Variants in SOX5 observed in about 807,000 individuals in gnomAD.
SOX5 encodes the protein SRY-box transcription factor 5, also known as transcription factor SOX-5.
SOX5 carries 9 observed loss-of-function variants against 92.0 expected under a neutral mutation model. That is an observed-to-expected ratio of 0.10 (90% CI 0.06 to 0.17). SOX5 has a LOEUF of 0.17. Among genes scored for constraint, SOX5 ranks in the 10% least tolerant of loss-of-function variants. SOX5 has a pLI of 1.00. For synonymous variants in SOX5, 344 were observed against 336.3 expected (o/e 1.02, Z -0.25); for missense variants, 642 against 944.5 (o/e 0.68, Z 4.20).
At chr12:23,784,762 C>CTCT (rs1304695432) in intron 3 of SOX5, among the ~76,000 whole-genome samples, 1 of 152,216 alleles carries the variant, frequency 6.6e-6, no homozygotes, top group Non-Finnish European at 1.5e-5. Flanking sequence ...AGCATTGCAA[C>CTCT]TCTTTCTTCA....
chr12:24,026,660 A>G (rs967699848), intron 4 of SOX5, among the ~76,000 whole-genome samples: 3 of 143,596 alleles, frequency 2.1e-5, no homozygotes, highest in African/African-American at 5.5e-5. Flanking sequence ...GACCCTGTCT[A>G]TTAGATAAAA....
At chr12:24,063,812 C>A (rs1197707654) in intron 4 of SOX5, among the ~76,000 whole-genome samples, 2 of 152,182 alleles carry the variant, frequency 1.3e-5, no homozygotes, top group Admixed American at 6.5e-5. Context: ...CACATACTTG[C>A]TCTGTACGTT....
At chr12:24,374,943 G>A (rs1270283105) in intron 1 of SOX5, among the ~76,000 whole-genome samples, 2 of 152,122 alleles carry the variant, frequency 1.3e-5, no homozygotes, top group African/African-American at 4.8e-5. Flanking sequence ...TGGGTGCAGG[G>A]TTGGCACCTG....
rs577762994 is a variant in SOX5 at position 24,021,177 on chromosome 12, ACAGTC to A, written c.-1-125158_-1-125154del. On this transcript the variant is annotated intron_variant, in intron 4 of 4. Transcript: ENST00000446891. Reference sequence around the variant, plus strand: ...AACACAAAGGAAGTGCATGGAAGGTACAGTCCAGGAGATTTCAGAAGGTATCAGAA... The same window carrying A: ...AACACAAAGGAAGTGCATGGAAGGTACAGGAGATTTCAGAAGGTATCAGAA... Among the ~76,000 whole-genome samples the A allele has an allele frequency of 5.5e-3, 839 of 152,300 alleles. 6 individuals are homozygous for A. The highest frequency in any genetic ancestry group is 7.4e-3 in the Non-Finnish European group (506 of 68,014).
chr12:23,992,550 C>T (rs915344216), intron 4 of SOX5, among the ~76,000 whole-genome samples: 6 of 152,148 alleles, frequency 3.9e-5, no homozygotes, highest in Non-Finnish European at 8.8e-5. Context: ...AATGCATCAT[C>T]TACTTTTCAG....
chr12:24,065,767 C>A (rs1275436421), intron 4 of SOX5, among the ~76,000 whole-genome samples: 2 of 151,996 alleles, frequency 1.3e-5, no homozygotes, highest in Non-Finnish European at 1.5e-5. Flanking sequence ...CAATGTCAAC[C>A]AGGAACTTCT....
At chr12:23,940,756 A>ACACACG (rs1217861071) in intron 1 of SOX5, among the ~76,000 whole-genome samples, 1 of 150,082 alleles carries the variant, frequency 6.7e-6, no homozygotes, top group Non-Finnish European at 1.5e-5. Context: ...ACACACACAC[A>ACACACG]CACACACACA....
intron 4 of SOX5, among the ~76,000 whole-genome samples, chr12:24,018,668 G>A (rs145902451): frequency 1.1e-3 from 161 of 152,180 alleles, no homozygotes; most frequent in African/African-American, 3.8e-3. Context: ...ATGGTGGCAT[G>A]TGCCAATAAT....
chr12:23,691,302 C>G (rs2088756098), intron 6 of SOX5, among the ~76,000 whole-genome samples: 1 of 152,216 alleles, frequency 6.6e-6, no homozygotes, highest in East Asian at 1.9e-4. Flanking sequence ...TAGATTATCA[C>G]AATTCTAGCC....
At chr12:24,539,773 T>C (rs1054881682) in intron 1 of SOX5, among the ~76,000 whole-genome samples, 2 of 152,122 alleles carry the variant, frequency 1.3e-5, no homozygotes, top group Non-Finnish European at 2.9e-5. Flanking sequence ...TCTGGATACG[T>C]ATATTAATTT....
intron 4 of SOX5, among the ~76,000 whole-genome samples, chr12:24,133,756 C>T (rs576547923): frequency 6.6e-6 from 1 of 152,266 alleles, no homozygotes; most frequent in East Asian, 1.9e-4. Context: ...CAGCTCCTGG[C>T]CCTCTCGGGT....
rs74070039 is a variant in SOX5, at chr12:24,399,259, G to A, written c.-250-30620C>T. Among the ~76,000 whole-genome samples the A allele has an allele frequency of 9.5e-3, 1,453 of 152,192 alleles. 19 individuals carry two copies. The highest frequency in any genetic ancestry group is 0.033 in the African/African-American group (1,359 of 41,532). ...GCCTACAGCGTCTCCCCATACCTGG[G>A]AAAGGACCCATAGGAGTGAAGGACC... On this transcript the variant is annotated intron_variant, in intron 1 of 4. Transcript: ENST00000446891.
Position 24,212,348 on chromosome 12 carries a change from T to C in SOX5, c.-2+995A>G, listed in dbSNP as rs530353458. ...TTCCTTTAGGAGTAAGTCATTTTAA[T>C]TGAAGAGATCTGATCACACTGAAGG... is the stretch of plus-strand genomic sequence containing the variant. On this transcript the variant is annotated intron_variant, in intron 4 of 4. Coordinates refer to the SOX5 transcript ENST00000446891. 17 of 512,942 alleles carry C rather than the reference T, an allele frequency of 3.3e-5. 1 individual carries two copies. Among genetic ancestry groups the C allele is most frequent in the South Asian group, 2.1e-4 (14 of 66,264 alleles). The allele number at this position is 512,942 out of a possible 1,614,324, so 31.8% of individuals were successfully genotyped here. A position where few individuals can be genotyped will look rare whatever the true frequency, so the allele number is the denominator to read the frequency against.
chr12:23,853,330 TTAA>T lies in SOX5; in HGVS notation c.271-7140_271-7138del, dbSNP rs1309153920. On this transcript the variant is annotated intron_variant, in intron 2 of 14. Coordinates refer to ENST00000451604, the MANE Select transcript of SOX5 (RefSeq NM_006940.6). ...TGCACCAACATTTAGTTTAAATTTA[TTAA>T]TAATTAGATCTCATTTACAATATGA... Among the ~76,000 whole-genome samples the T allele has an allele frequency of 3.3e-5, 5 of 151,644 alleles. No individual in the cohort carries two copies. In the East Asian group the frequency reaches 9.6e-4, roughly 29 times the overall value.
At chr12:23,790,839 T>C (rs1295295844) in intron 3 of SOX5, among the ~76,000 whole-genome samples, 2 of 152,146 alleles carry the variant, frequency 1.3e-5, no homozygotes, top group African/African-American at 2.4e-5. Flanking sequence ...AGGCTTTTTC[T>C]ATGCATGCAA....
intron 3 of SOX5, among the ~76,000 whole-genome samples, chr12:24,276,355 T>TTG (rs1944432385): frequency 1.3e-5 from 2 of 152,154 alleles, no homozygotes; most frequent in Non-Finnish European, 2.9e-5. Context: ...ACACATACAC[T>TTG]TGCATCTTGA....
At chr12:24,477,819 TTAGA>T (rs1473154486) in intron 1 of SOX5, among the ~76,000 whole-genome samples, 3 of 152,032 alleles carry the variant, frequency 2.0e-5, no homozygotes, top group South Asian at 2.1e-4. Context: ...TTACCTATAG[TTAGA>T]TAGAAGTATT....
chr12:23,620,834 C>G (rs1437410448), intron 8 of SOX5, among the ~76,000 whole-genome samples: 1 of 152,082 alleles, frequency 6.6e-6, no homozygotes, highest in Admixed American at 6.6e-5. Context: ...CTTCTGCTCT[C>G]CTGCCTTAAA....
intron 7 of SOX5, 69 bp from the exon 8 acceptor site, chr12:23,640,966 A>G: frequency 3.8e-6 from 4 of 1,050,050 alleles, no homozygotes; most frequent in Non-Finnish European, 5.7e-6. Flanking sequence ...AAACTCATGC[A>G]TTCACTCTTT....
Sources: gnomAD v4.1 joint callset for allele counts (sites outside exome capture counted in the v4.1 genomes callset) on GRCh38, gnomAD v4.1.1 for gene constraint, MANE v1.5 for transcripts, NCBI Gene and HGNC (gene_info 2026-07-23, HGNC 2026-07-21) for gene names.